The following SNTG2 variants were observed in gnomAD, a reference collection of about 807,000 sequenced individuals.
SNTG2 encodes the protein syntrophin gamma 2, also known as gamma-2-syntrophin.
SNTG2 carries 74 observed loss-of-function variants against 70.9 expected under a neutral mutation model. That is an observed-to-expected ratio of 1.04 (90% CI 0.86 to 1.27). SNTG2 has a LOEUF of 1.27. Ranked by LOEUF, SNTG2 falls within the 50% of genes most tolerant of loss-of-function variation. SNTG2 has a pLI of 0.00. For missense variants in SNTG2, 717 were observed against 690.7 expected (o/e 1.04, Z -0.43); for synonymous variants, 278 against 273.8 (o/e 1.02, Z -0.15).
At chr2:1,324,212 T>C (rs536969318) in intron 16 of SNTG2, among the ~76,000 whole-genome samples, 1 of 152,272 alleles carries the variant, frequency 6.6e-6, no homozygotes, top group African/African-American at 2.4e-5. Context: ...TGAGTTGGGA[T>C]GGTGTTAGCG....
chr2:962,853 A>G (rs906285956), intron 1 of SNTG2, among the ~76,000 whole-genome samples: 2 of 152,216 alleles, frequency 1.3e-5, no homozygotes, highest in African/African-American at 4.8e-5. Flanking sequence ...ACAGTTCATT[A>G]AAACAGAAGA....
chr2:1,264,310 C>T (rs900526094), intron 13 of SNTG2, among the ~76,000 whole-genome samples: 1 of 152,226 alleles, frequency 6.6e-6, no homozygotes, highest in Non-Finnish European at 1.5e-5. Flanking sequence ...CATAGTGTGA[C>T]ATGGGTTTCT....
intron 1 of SNTG2, among the ~76,000 whole-genome samples, chr2:1,041,381 G>A (rs1331155883): frequency 6.6e-6 from 1 of 152,132 alleles, no homozygotes; most frequent in African/African-American, 2.4e-5. Context: ...CCAATCTACT[G>A]TTTTTGTTGT....
intron 16 of SNTG2, among the ~76,000 whole-genome samples, chr2:1,350,746 G>C (rs1422011487): frequency 1.3e-5 from 2 of 151,994 alleles, no homozygotes; most frequent in Non-Finnish European, 2.9e-5. Context: ...TCCAAAAAAA[G>C]ATATATGAAG....
At chr2:955,991 A>G (rs1572160028) in intron 1 of SNTG2, among the ~76,000 whole-genome samples, 2 of 82,190 alleles carry the variant, frequency 2.4e-5, no homozygotes, top group South Asian at 9.1e-4. Context: ...CTGCATCTGC[A>G]TCTGCCCTGG....
intron 9 of SNTG2, among the ~76,000 whole-genome samples, chr2:1,222,178 T>A (rs1233620387): frequency 1.3e-5 from 2 of 152,160 alleles, no homozygotes; most frequent in South Asian, 4.2e-4. Context: ...TCTCTCTTTT[T>A]CTCCCTCTGC....
At chr2:1,103,689 T>C (rs535882465) in intron 4 of SNTG2, among the ~76,000 whole-genome samples, 1 of 152,300 alleles carries the variant, frequency 6.6e-6, no homozygotes, top group East Asian at 1.9e-4. Flanking sequence ...CGCCTGGCCA[T>C]GATTATAAAT....
chr2:1,229,968 G>A (rs1169503449), intron 9 of SNTG2, among the ~76,000 whole-genome samples: 2 of 152,160 alleles, frequency 1.3e-5, no homozygotes, highest in Non-Finnish European at 2.9e-5. Context: ...GTTCCCGCTC[G>A]TGCCTCTCCC....
intron 1 of SNTG2, among the ~76,000 whole-genome samples, chr2:983,325 G>A (rs950326714): frequency 2.6e-5 from 4 of 151,340 alleles, no homozygotes; most frequent in African/African-American, 7.3e-5. Context: ...GGATGAAGAA[G>A]CTGCAGAGGT....
chr2:1,312,297 G>T (rs1296353179), intron 15 of SNTG2, among the ~76,000 whole-genome samples: 1 of 152,180 alleles, frequency 6.6e-6, no homozygotes, highest in Non-Finnish European at 1.5e-5. Flanking sequence ...ACGCAGGCGG[G>T]TCTCCTGCCC....
intron 1 of SNTG2, among the ~76,000 whole-genome samples, chr2:988,251 C>G (rs778760951): frequency 1.4e-4 from 21 of 152,208 alleles, no homozygotes; most frequent in Non-Finnish European, 2.9e-4. Context: ...AAGGCCCATG[C>G]TCAGATGTAA....
intron 9 of SNTG2, among the ~76,000 whole-genome samples, chr2:1,221,451 C>G (rs1674821233): frequency 7.7e-6 from 1 of 129,142 alleles, no homozygotes; most frequent in African/African-American, 3.0e-5. Flanking sequence ...CTGTCTCTGT[C>G]TCTCTCTGTC....
chr2:1,135,412 G>A (rs1397809286), intron 4 of SNTG2, among the ~76,000 whole-genome samples: 1 of 152,088 alleles, frequency 6.6e-6, no homozygotes, highest in Non-Finnish European at 1.5e-5. Context: ...ATTACCATAG[G>A]TATCATTTTA....
chr2:1,153,959 C>G (rs1669685131), intron 6 of SNTG2, among the ~76,000 whole-genome samples: 1 of 152,114 alleles, frequency 6.6e-6, no homozygotes, highest in Admixed American at 6.5e-5. Context: ...TAAGATCCAA[C>G]CAAGAGGACT....
chr2:1,246,020 T>C (rs1428179407), intron 11 of SNTG2, among the ~76,000 whole-genome samples: 1 of 152,100 alleles, frequency 6.6e-6, no homozygotes, highest in Admixed American at 6.5e-5. Flanking sequence ...CCATACCACA[T>C]CTATGTGGTT....
At chr2:995,266 T>C (rs1490167067) in intron 1 of SNTG2, among the ~76,000 whole-genome samples, 1 of 152,104 alleles carries the variant, frequency 6.6e-6, no homozygotes, top group Non-Finnish European at 1.5e-5. Flanking sequence ...GACATTTTTA[T>C]CATGAAAGGC....
At chr2:1,011,689 TTGACA>T (rs979903705) in intron 1 of SNTG2, among the ~76,000 whole-genome samples, 2 of 152,070 alleles carry the variant, frequency 1.3e-5, no homozygotes, top group African/African-American at 2.4e-5. Context: ...GCTTTTTTTG[TTGACA>T]TGACTTCAGA....
At chr2:1,094,274 G>T (rs374600781) in intron 2 of SNTG2, among the ~76,000 whole-genome samples, 30 of 51,236 alleles carry the variant, frequency 5.9e-4, no homozygotes, top group Admixed American at 1.4e-3. Flanking sequence ...AGGCCTTATA[G>T]GTGTGTCCTC....
intron 6 of SNTG2, among the ~76,000 whole-genome samples, chr2:1,154,726 C>T (rs982745307): frequency 5.3e-5 from 8 of 152,038 alleles, no homozygotes; most frequent in African/African-American, 9.7e-5. Flanking sequence ...GAGATTAATT[C>T]CCCCTATTTA....
Sources: allele counts gnomAD v4.1 joint callset (sites outside exome capture counted in the v4.1 genomes callset), GRCh38; gene constraint gnomAD v4.1.1; transcripts MANE v1.5; gene names NCBI Gene and HGNC (gene_info 2026-07-23, HGNC 2026-07-21).